The following EXT1 variants were observed in gnomAD, a reference collection of about 807,000 sequenced individuals.
The protein encoded by EXT1 is exostosin-1.
In EXT1, 20 loss-of-function variants were observed where a neutral mutation model predicts 82.5. That is an observed-to-expected ratio of 0.24 (90% CI 0.17 to 0.35). The LOEUF is 0.35. Ranked by LOEUF, EXT1 falls within the 10% of genes least tolerant of loss-of-function variation. The probability of loss-of-function intolerance (pLI) is 1.00; values close to 1 mark genes in which losing one functional copy is unlikely to be tolerated. For missense variants in EXT1, 757 were observed against 936.5 expected (o/e 0.81, Z 2.50); for synonymous variants, 348 against 350.8 (o/e 0.99, Z 0.09).
chr8:117,887,112 G>T (rs1447053618), intron 1 of EXT1, among the ~76,000 whole-genome samples: 1 of 151,992 alleles, frequency 6.6e-6, no homozygotes, highest in Non-Finnish European at 1.5e-5. Flanking sequence ...TCATAAAATG[G>T]GATCACCTTT....
chr8:117,822,222 A>G (rs1483150667), intron 5 of EXT1, among the ~76,000 whole-genome samples: 1 of 152,230 alleles, frequency 6.6e-6, no homozygotes, highest in Admixed American at 6.5e-5. Flanking sequence ...TTTCTCAAAA[A>G]GAAATAACTC....
chr8:118,013,443 A>G (rs1280632515), intron 1 of EXT1, among the ~76,000 whole-genome samples: 1 of 152,120 alleles, frequency 6.6e-6, no homozygotes, highest in Non-Finnish European at 1.5e-5. Context: ...TCCTGACCTC[A>G]GATGATCCAC....
At chr8:117,896,456 A>C (rs774647921) in intron 1 of EXT1, among the ~76,000 whole-genome samples, 19 of 152,198 alleles carry the variant, frequency 1.2e-4, no homozygotes, top group Non-Finnish European at 2.8e-4. Flanking sequence ...GTGTATATGG[A>C]GCAAAAGGAG....
chr8:118,036,733 C>T (rs1361830879), intron 1 of EXT1, among the ~76,000 whole-genome samples: 1 of 152,100 alleles, frequency 6.6e-6, no homozygotes, highest in African/African-American at 2.4e-5. Flanking sequence ...TAGCCTTGAA[C>T]AGGAGGCCCT....
chr8:117,971,652 C>T (rs756392766), intron 1 of EXT1, among the ~76,000 whole-genome samples: 2 of 152,106 alleles, frequency 1.3e-5, no homozygotes, highest in African/African-American at 2.4e-5. Context: ...TTAATATTGG[C>T]GATGAAGGGC....
intron 5 of EXT1, 23 bp from the exon 6 acceptor site, chr8:117,819,817 G>A (rs1212053228): frequency 6.3e-7 from 1 of 1,597,516 alleles, no homozygotes; most frequent in South Asian, 1.1e-5. Flanking sequence ...GGAGAGTAGA[G>A]CCTAATGAAG....
At chr8:117,817,241 A>T (rs1811838135) in intron 7 of EXT1, among the ~76,000 whole-genome samples, 2 of 152,210 alleles carry the variant, frequency 1.3e-5, no homozygotes, top group African/African-American at 4.8e-5. Flanking sequence ...AACTGAATAG[A>T]TAATGCACTG....
chr8:118,022,452 C>T (rs1341532814), intron 1 of EXT1, among the ~76,000 whole-genome samples: 1 of 148,506 alleles, frequency 6.7e-6, no homozygotes, highest in Non-Finnish European at 1.5e-5. Flanking sequence ...ATTCTCCTGC[C>T]TCAGCCCCCT....
At chr8:117,870,046 T>C (rs1812842616) in intron 1 of EXT1, among the ~76,000 whole-genome samples, 1 of 152,178 alleles carries the variant, frequency 6.6e-6, no homozygotes, top group African/African-American at 2.4e-5. Flanking sequence ...GAAGCACTAT[T>C]GATTTCAAAT....
chr8:117,893,439 A>T (rs1813282710), intron 1 of EXT1, among the ~76,000 whole-genome samples: 1 of 152,190 alleles, frequency 6.6e-6, no homozygotes. Context: ...GCCATATGGA[A>T]AGCTTACAGG....
intron 1 of EXT1, among the ~76,000 whole-genome samples, chr8:118,085,892 TA>T (rs1817409416): frequency 6.6e-6 from 1 of 152,042 alleles, no homozygotes; most frequent in African/African-American, 2.4e-5. Context: ...ACCAGAAAAA[TA>T]AAAGAAAAAT....
chr8:118,024,497 C>T (rs1395121029), intron 1 of EXT1, among the ~76,000 whole-genome samples: 3 of 150,262 alleles, frequency 2.0e-5, no homozygotes, highest in African/African-American at 7.4e-5. Context: ...AGGTAATGCA[C>T]AGACTCTAGG....
chr8:117,805,945 AC>A (rs1228312373), intron 9 of EXT1, among the ~76,000 whole-genome samples: 2 of 152,182 alleles, frequency 1.3e-5, no homozygotes, highest in African/African-American at 2.4e-5. Flanking sequence ...CCAAGACTGA[AC>A]CTATATATTT....
chr8:117,842,927 C>T (rs1812296109), intron 1 of EXT1, among the ~76,000 whole-genome samples: 1 of 152,146 alleles, frequency 6.6e-6, no homozygotes, highest in Non-Finnish European at 1.5e-5. Context: ...ACAAGTGATC[C>T]AGCCTCTCAT....
chr8:118,023,250 T>A (rs922730198), intron 1 of EXT1, among the ~76,000 whole-genome samples: 5 of 152,234 alleles, frequency 3.3e-5, no homozygotes, highest in Admixed American at 6.5e-5. Context: ...CAGATTAAGC[T>A]ATTTTCAATC....
At chr8:117,872,116 G>A (rs923349188) in intron 1 of EXT1, among the ~76,000 whole-genome samples, 5 of 141,122 alleles carry the variant, frequency 3.5e-5, no homozygotes, top group South Asian at 2.6e-4. Context: ...TGCAGCCTGG[G>A]CAACAGAGTG....
chr8:117,923,122 C>T (rs1326798363), intron 1 of EXT1, among the ~76,000 whole-genome samples: 11 of 151,492 alleles, frequency 7.3e-5, no homozygotes, highest in African/African-American at 2.2e-4. Flanking sequence ...GTCAGGAGTT[C>T]GAGACCAGCC....
chr8:117,856,781 G>A (rs1027731596), intron 1 of EXT1, among the ~76,000 whole-genome samples: 4 of 152,128 alleles, frequency 2.6e-5, no homozygotes, highest in Admixed American at 6.5e-5. Flanking sequence ...GACATGCAAC[G>A]TAAATGAAAT....
rs1414873724 is a variant in EXT1, at chr8:117,797,222, T to G, written c.*2490A>C. On this transcript the variant is annotated 3_prime_UTR_variant, in exon 11 of 11. Coordinates refer to ENST00000378204, the MANE Select transcript of EXT1 (RefSeq NM_000127.3). ...ACTGATTTGTTAAGCATTGTTCTAT[T>G]CCCAGCCTTATATTCCAAATGGGAG... 6.6e-6 allele frequency: 1 copy of G among 152,226 alleles called. No individual in the cohort carries two copies. The highest frequency in any genetic ancestry group is 1.5e-5 in the Non-Finnish European group (1 of 68,044). The allele number at this position is 152,226 out of a possible 1,614,324, so 9.4% of individuals were successfully genotyped here.
Sources: gnomAD v4.1 joint callset for allele counts (sites outside exome capture counted in the v4.1 genomes callset) on GRCh38, gnomAD v4.1.1 for gene constraint, MANE v1.5 for transcripts, NCBI Gene and HGNC (gene_info 2026-07-23, HGNC 2026-07-21) for gene names.